The following DNASE1 variants were observed in gnomAD, a reference collection of about 807,000 sequenced individuals.
DNASE1 encodes deoxyribonuclease 1.
Under a neutral mutation model 33.9 loss-of-function variants are expected in DNASE1, and 40 were observed. The observed-to-expected ratio is 1.18, with a 90% CI of 0.92 to 1.54. The LOEUF (loss-of-function observed/expected upper bound fraction) is 1.54. Among genes scored for constraint, DNASE1 ranks in the 40% most tolerant of loss-of-function variants. The probability of loss-of-function intolerance (pLI) is 0.00; values close to 1 mark genes in which losing one functional copy is unlikely to be tolerated. For synonymous variants in DNASE1, 216 were observed against 160.0 expected (o/e 1.35, Z -2.64); for missense variants, 518 against 372.6 (o/e 1.39, Z -3.21).
intron 1 of DNASE1, among the ~76,000 whole-genome samples, chr16:3,634,148 T>A (rs941041988): frequency 7.9e-5 from 12 of 151,766 alleles, no homozygotes; most frequent in African/African-American, 2.9e-4. Context: ...TAAGGGACAG[T>A]AAGGATGATT....
At chr16:3,664,606 T>G (rs2050785120) in exon 10 of DNASE1, 4 of 830,666 alleles carry the variant, frequency 4.8e-6, no homozygotes, top group East Asian at 5.6e-5. Flanking sequence ...ACTCGGGGGT[T>G]GTCCGAGAGC....
intron 1 of DNASE1, among the ~76,000 whole-genome samples, chr16:3,614,027 C>T (rs2041010235): frequency 6.6e-6 from 1 of 151,528 alleles, no homozygotes; most frequent in Non-Finnish European, 1.5e-5. Flanking sequence ...ATTCTCCTGC[C>T]GCAGTCTCCC....
chr16:3,631,688 A>C (rs1352531297), intron 1 of DNASE1, among the ~76,000 whole-genome samples: 1 of 151,142 alleles, frequency 6.6e-6, no homozygotes, highest in African/African-American at 2.4e-5. Flanking sequence ...ATGCCCGGCT[A>C]ATTTTTGTGT....
chr16:3,643,444 G>A (rs1374951333), intron 1 of DNASE1, among the ~76,000 whole-genome samples: 4 of 152,212 alleles, frequency 2.6e-5, no homozygotes, highest in African/African-American at 4.8e-5. Context: ...ACCCTGCCTC[G>A]CCGGGACAAG....
At chr16:3,664,581 G>T in exon 10 of DNASE1, 1 of 1,094,420 alleles carries the variant, frequency 9.1e-7, no homozygotes. Context: ...GCCCTGACCC[G>T]AGGGACGGTA....
At chr16:3,625,205 C>T (rs965510480) in intron 1 of DNASE1, among the ~76,000 whole-genome samples, 3 of 152,158 alleles carry the variant, frequency 2.0e-5, no homozygotes, top group Non-Finnish European at 4.4e-5. Flanking sequence ...ACTTGGGAGG[C>T]TGAGGCAGGA....
intron 1 of DNASE1, among the ~76,000 whole-genome samples, chr16:3,614,594 G>A (rs554131100): frequency 6.6e-6 from 1 of 152,192 alleles, no homozygotes; most frequent in Admixed American, 6.5e-5. Flanking sequence ...TTGGTACCTG[G>A]CCATGGATGA....
upstream of DNASE1, among the ~76,000 whole-genome samples, chr16:3,639,596 G>A (rs894981959): frequency 7.2e-5 from 11 of 152,180 alleles, no homozygotes; most frequent in African/African-American, 2.2e-4. Context: ...ACTCTAGGAT[G>A]TTCTGTGGAT....
downstream of DNASE1, chr16:3,658,860 G>T (rs147353660): frequency 4.8e-5 from 78 of 1,614,014 alleles, no homozygotes; most frequent in African/African-American, 8.1e-4. Flanking sequence ...CTTGATGAGC[G>T]CGTGCCTGCA....
At chr16:3,658,312 T>C, downstream of DNASE1, 1 of 1,154,886 alleles carries the variant, frequency 8.7e-7, no homozygotes, top group Non-Finnish European at 1.3e-6. Flanking sequence ...AGTCTCACTG[T>C]TGCCGAGGCT....
rs189153521 is a variant in DNASE1 at position 3,632,905 on chromosome 16, C to T, written c.-1358-7810C>T. Among the ~76,000 whole-genome samples the T allele has an allele frequency of 1.3e-4, 20 of 152,262 alleles. No homozygotes were observed. In the East Asian group the frequency reaches 3.9e-3, roughly 29 times the overall value. On this transcript the variant is annotated intron_variant and NMD_transcript_variant, in intron 1 of 11. Coordinates refer to the DNASE1 transcript ENST00000570769. ...CCAGCCTCATCTCTTTAATTGTAAT[C>T]TACCTATGTTTTTATATTTAAAGTG...
chr16:3,658,862 G>T (rs137975630), downstream of DNASE1: 16 of 1,613,906 alleles, frequency 9.9e-6, no homozygotes, highest in East Asian at 2.2e-5. Flanking sequence ...TGATGAGCGC[G>T]TGCCTGCAAC....
At chr16:3,621,490 C>T (rs1008440599) in intron 1 of DNASE1, among the ~76,000 whole-genome samples, 25 of 152,200 alleles carry the variant, frequency 1.6e-4, no homozygotes, top group African/African-American at 5.5e-4. Flanking sequence ...GACCTCCAAA[C>T]TCCCTCATCA....
intron 1 of DNASE1, among the ~76,000 whole-genome samples, chr16:3,630,749 C>G (rs1157144091): frequency 6.6e-6 from 1 of 151,784 alleles, no homozygotes; most frequent in African/African-American, 2.4e-5. Context: ...TTTTTGTAGT[C>G]CCAGTTACTT....
chr16:3,652,208 G>A (rs1033993588), upstream of DNASE1: 1 of 152,360 alleles, frequency 6.6e-6, no homozygotes, highest in Non-Finnish European at 1.5e-5. Context: ...AGAGCCAGGA[G>A]GGGATGACAG....
chr16:3,619,968 T>C (rs1056383198), intron 1 of DNASE1, among the ~76,000 whole-genome samples: 3 of 149,468 alleles, frequency 2.0e-5, no homozygotes, highest in Non-Finnish European at 4.4e-5. Context: ...TAGGCTGGAG[T>C]GCAGTGGCAT....
chr16:3,631,087 A>G (rs1463205449), intron 1 of DNASE1, among the ~76,000 whole-genome samples: 4 of 151,986 alleles, frequency 2.6e-5, no homozygotes, highest in South Asian at 2.1e-4. Flanking sequence ...CAGTGGTGCA[A>G]TCTTGGCTCA....
At chr16:3,655,250 C>G in intron 1 of DNASE1, 123 bp from the exon 2 acceptor site, 3 of 1,366,406 alleles carry the variant, frequency 2.2e-6, no homozygotes, top group Admixed American at 4.1e-5. Flanking sequence ...GGGTTTCCCC[C>G]GCCTGCGTCC....
Position 3,628,565 on chromosome 16 carries a change from CT to C in DNASE1, c.-1358-12140del, listed in dbSNP as rs202241186. Among the ~76,000 whole-genome samples, 11 of 146,078 alleles carry C rather than the reference CT, an allele frequency of 7.5e-5. No individual in the cohort carries two copies. In the East Asian group the frequency reaches 1.0e-3, roughly 13 times the overall value. On this transcript the variant is annotated intron_variant and NMD_transcript_variant, in intron 1 of 11. Transcript: ENST00000570769. ...AATGTGCATTTCTGTTTTTTTCTTT[CT>C]TTTTTTTTTGAGATGGAATCTCGCT...
Sources: allele counts gnomAD v4.1 joint callset (sites outside exome capture counted in the v4.1 genomes callset), GRCh38; gene constraint gnomAD v4.1.1; transcripts MANE v1.5; gene names NCBI Gene and HGNC (gene_info 2026-07-23, HGNC 2026-07-21).